ZNF281: variants seen among roughly 807,000 people sequenced by gnomAD.
ZNF281 encodes the protein GC-box-binding zinc finger protein 1.
In ZNF281, 2 loss-of-function variants were observed where a neutral mutation model predicts 58.8. The ratio of observed to expected loss-of-function variants is 0.03; its 90% CI spans 0.01 to 0.11. The LOEUF is 0.11. Among genes scored for constraint, ZNF281 ranks in the 10% least tolerant of loss-of-function variants. The pLI, the probability that ZNF281 is intolerant of heterozygous loss-of-function variation, is 1.00. For synonymous variants in ZNF281, 465 were observed against 407.7 expected (o/e 1.14, Z -1.69); for missense variants, 975 against 1,090.7 (o/e 0.89, Z 1.49).
chr1:200,409,497 G>A lies in ZNF281; in HGVS notation c.209C>T (p.Ala70Val). 1 of 1,548,694 alleles carries A rather than the reference G, an allele frequency of 6.5e-7. No homozygotes were observed. The highest frequency in any genetic ancestry group is 8.7e-7 in the Non-Finnish European group (1 of 1,146,200). Residue 70 changes from alanine to valine, a missense_variant, in exon 2 of 2, where the codon GCC becomes GTC. By Grantham distance (64) the Ala-to-Val change is moderately conservative. Around this residue, in one of 3 missense-constraint regions of ZNF281, gnomAD observed 370 missense variants for 360.9 expected, o/e 1.03. Transcript: ENST00000367353. ...TAACACGCATTGCGGGGGAGGGGCG[G>A]CCGACCCCGCCGGCCGGGTGAAGCT... is the stretch of plus-strand genomic sequence containing the variant. ...VTSFTRPAGS[A>V]APPPQCVLSS...
At position 200,409,949 on chromosome 1, in the gene ZNF281, TC is replaced by T; in HGVS notation, c.-23del. On this transcript the variant is annotated 5_prime_UTR_variant, in exon 1 of 2. Transcript: ENST00000367353. ...TGGACCCACCGGCAATACTTACGGG[TC>T]CCGCCGCCGCCGCAGCCGCCGTCGC... 2 of 575,046 alleles carry T rather than the reference TC, an allele frequency of 3.5e-6. No homozygotes were observed. Among genetic ancestry groups the T allele is most frequent in the Non-Finnish European group, 6.0e-6 (2 of 335,776 alleles). 35.6% of individuals were successfully genotyped at this position (575,046 alleles called of 1,614,324 possible).
chr1:200,409,822 G>A, intron 1 of ZNF281, 99 bp from the exon 2 acceptor site: 1 of 1,417,140 alleles, frequency 7.1e-7, no homozygotes. Context: ...CCGCGCCGCC[G>A]CCCAGACCGC....
In ZNF281 at chr1:200,407,084, C is replaced by T; in HGVS notation, c.2622G>A (p.Met874Ile). The T allele has an allele frequency of 1.2e-6, 2 of 1,614,136 alleles. No individual in the cohort carries two copies. Among genetic ancestry groups the T allele is most frequent in the Non-Finnish European group, 1.7e-6 (2 of 1,180,016 alleles). The change falls in exon 2 of 2, where the codon ATG becomes ATA. Residue 874 changes from methionine (M) to isoleucine (I), a missense_variant. By Grantham distance (10) the Met-to-Ile change is conservative. Transcript: ENST00000367353. Reference sequence around the variant, plus strand: ...TACATGGCTCACTTACATCAGACATCATATTTGTATACCCTGAGAAATCTG... The same window carrying T: ...TACATGGCTCACTTACATCAGACATTATATTTGTATACCCTGAGAAATCTG... ...SVSDFSGYTN[M>I]MSDVSEPCST... is the part of the protein sequence containing the mutation.
rs1021986049 is a variant in ZNF281 at position 200,410,023 on chromosome 1, G to A, written c.-96C>T. Reference sequence around the variant, plus strand: ...CGTCCTCTCCACAATGGAATTAAAAGCCTCCCGTGTACTGCGCAGCCGCGG... The same window carrying A: ...CGTCCTCTCCACAATGGAATTAAAAACCTCCCGTGTACTGCGCAGCCGCGG... On this transcript the variant is annotated 5_prime_UTR_variant, in exon 1 of 2. Transcript: ENST00000367353. The A allele has an allele frequency of 2.0e-6, 1 of 501,066 alleles. No individual in the cohort carries two copies. Among genetic ancestry groups the A allele is most frequent in the Non-Finnish European group, 3.6e-6 (1 of 280,474 alleles). 31.0% of individuals were successfully genotyped at this position (501,066 alleles called of 1,614,324 possible).
chr1:200,409,305 T>A lies in ZNF281; in HGVS notation c.401A>T (p.Asp134Val). ...GTGGTGGGACTGCTGCTCCTCAGGA[T>A]CCGCGGGTTTCTCCTGTTTGATGCT... ...LVSIKQEKPA[D>V]PEEQQSHHHH... is the part of the protein sequence containing the mutation. Residue 134 changes from aspartate to valine, a missense_variant, in exon 2 of 2, where the codon GAT becomes GTT. Coordinates refer to ENST00000367353, the MANE Select transcript of ZNF281 (RefSeq NM_001281293.2). 1.2e-6 allele frequency: 2 copies of A among 1,601,716 alleles called. No homozygotes were observed. Among genetic ancestry groups the A allele is most frequent in the Non-Finnish European group, 1.7e-6 (2 of 1,173,744 alleles).
At position 200,406,890 on chromosome 1, in the gene ZNF281, T is replaced by C. The variant is rs1239411047; in HGVS notation, c.*128A>G. Reference sequence around the variant, plus strand: ...TCACGCTAACAAAATAAACTAAATATGAAAAGTTGCATTGAAAGGGCATCA... The same window carrying C: ...TCACGCTAACAAAATAAACTAAATACGAAAAGTTGCATTGAAAGGGCATCA... On this transcript the variant is annotated 3_prime_UTR_variant, in exon 2 of 2. Transcript: ENST00000367353. The C allele has an allele frequency of 8.4e-6, 7 of 837,096 alleles. No homozygotes were observed. In the South Asian group the frequency reaches 1.2e-4, roughly 14 times the overall value. 51.9% of individuals were successfully genotyped at this position (837,096 alleles called of 1,614,324 possible). A position where few individuals can be genotyped will look rare whatever the true frequency, so the allele number is the denominator to read the frequency against.
In ZNF281 at chr1:200,409,514, G is replaced by C; in HGVS notation, c.192C>G (p.Thr64=). The change falls in exon 2 of 2, where the codon ACC becomes ACG. Residue 64 remains threonine (T), a synonymous_variant. Coordinates refer to ENST00000367353, the MANE Select transcript of ZNF281 (RefSeq NM_001281293.2). ...NHRLPPVTSF[T]RPAGSAAPPP... is the part of the protein sequence containing the mutation. Reference sequence around the variant, plus strand: ...GAGGGGCGGCCGACCCCGCCGGCCGGGTGAAGCTGGTGACCGGGGGAAGAC... The same window carrying C: ...GAGGGGCGGCCGACCCCGCCGGCCGCGTGAAGCTGGTGACCGGGGGAAGAC... The C allele has an allele frequency of 6.5e-7, 1 of 1,549,712 alleles. No homozygotes were observed. Among genetic ancestry groups the C allele is most frequent in the South Asian group, 1.2e-5 (1 of 84,032 alleles).
At position 200,409,376 on chromosome 1, in the gene ZNF281, G is replaced by A. The variant is rs545354724; in HGVS notation, c.330C>T (p.Ala110=). ...FKKEPAASAA[A]FPSQRTSWGF... is the part of the protein sequence containing the mutation. ...CCCAGGAGGTCCTCTGCGAGGGGAA[G>A]GCCGCGGCTGACGCCGCCGGCTCCT... The change falls in exon 2 of 2, where the codon GCC becomes GCT. Residue 110 remains alanine (A), a synonymous_variant. Coordinates refer to ENST00000367353, the MANE Select transcript of ZNF281 (RefSeq NM_001281293.2). 1 of 1,527,360 alleles carries A rather than the reference G, an allele frequency of 6.5e-7. No homozygotes were observed. Among genetic ancestry groups the A allele is most frequent in the East Asian group, 2.5e-5 (1 of 40,760 alleles). 94.6% of individuals were successfully genotyped at this position (1,527,360 alleles called of 1,614,324 possible).
At chr1:200,409,906 G>C in intron 1 of ZNF281, 40 bp downstream of exon 1, 2 of 772,628 alleles carry the variant, frequency 2.6e-6, no homozygotes, top group Non-Finnish European at 4.0e-6. Context: ...TCTTCCCCAG[G>C]CCTCGCCCTC....
In ZNF281 at chr1:200,409,470, G is replaced by A. The variant is rs896850901; in HGVS notation, c.236C>T (p.Ser79Phe). 12 of 1,546,364 alleles carry A rather than the reference G, an allele frequency of 7.8e-6. No individual in the cohort carries two copies. The highest frequency in any genetic ancestry group is 3.9e-5 in the Admixed American group (2 of 50,768). ...GGCCGGGGCTGCGGAGGTAGAGGAG[G>A]ATAACACGCATTGCGGGGGAGGGGC... Reference protein sequence around the residue: ...SAAPPPQCVLSSSTSAAPAAE... With the variant: ...SAAPPPQCVLFSSTSAAPAAE... Residue 79 changes from serine (S) to phenylalanine (F), a missense_variant, in exon 2 of 2, where the codon TCC becomes TTC. Coordinates refer to ENST00000367353, the MANE Select transcript of ZNF281 (RefSeq NM_001281293.2).
Position 200,409,746 on chromosome 1 carries a change from G to A in ZNF281, c.-18-23C>T, listed in dbSNP as rs1036848649. On this transcript the variant is annotated intron_variant, in intron 1 of 1. Coordinates refer to ENST00000367353, the MANE Select transcript of ZNF281 (RefSeq NM_001281293.2). ...TGGCTGAAGAAAGGAGGAGGAAGAG[G>A]GAAGAGGGAGGAAAGGAGGTGGAAC... 7 of 1,579,930 alleles carry A rather than the reference G, an allele frequency of 4.4e-6. No individual in the cohort carries two copies. The Admixed American group carries it at 1.2e-4, about 28-fold the overall frequency.
rs766710582 is a variant in ZNF281, at chr1:200,409,718, G to C, written c.-13C>G. The C allele has an allele frequency of 1.3e-6, 2 of 1,594,108 alleles. No individual in the cohort carries two copies. Among genetic ancestry groups the C allele is most frequent in the Non-Finnish European group, 1.7e-6 (2 of 1,172,862 alleles). On this transcript the variant is annotated 5_prime_UTR_variant, in exon 2 of 2. Coordinates refer to ENST00000367353, the MANE Select transcript of ZNF281 (RefSeq NM_001281293.2). ...TGCCGATTTTCATACCCCGGAGGAG[G>C]CCTGGCTGAAGAAAGGAGGAGGAAG...
At chr1:200,409,878 C>T in intron 1 of ZNF281, 68 bp downstream of exon 1, 1 of 983,124 alleles carries the variant, frequency 1.0e-6, no homozygotes, top group Non-Finnish European at 1.5e-6. Flanking sequence ...CCGGCACCGG[C>T]ACGCATGGTC....
chr1:200,407,448 T>C lies in ZNF281; in HGVS notation c.2258A>G (p.Asp753Gly). The change falls in exon 2 of 2, where the codon GAT becomes GGT. Residue 753 changes from aspartate to glycine, a missense_variant. Asp to Gly is a moderately conservative substitution (Grantham distance 94). This residue lies in a region of ZNF281 where 579 missense variants were observed against 608.9 expected (regional missense o/e 0.95). Transcript: ENST00000367353. ...SQPGLYLSALDATHQQLTPSQ... is the reference protein window; with the variant it reads ...SQPGLYLSALGATHQQLTPSQ... The stretch of plus-strand genomic sequence containing the variant: ...AGGTGTCAACTGCTGATGTGTAGCA[T>C]CCAAAGCAGACAAATAAAGACCTGG... The C allele has an allele frequency of 1.2e-6, 2 of 1,614,136 alleles. No homozygotes were observed. Among genetic ancestry groups the C allele is most frequent in the Non-Finnish European group, 1.7e-6 (2 of 1,180,032 alleles).
At position 200,409,390 on chromosome 1, in the gene ZNF281, C is replaced by T. The variant is rs200348763; in HGVS notation, c.316G>A (p.Ala106Thr). 1.6e-5 allele frequency: 25 copies of T among 1,520,512 alleles called. 1 individual carries two copies. In the South Asian group the frequency reaches 2.4e-4, roughly 14 times the overall value. The allele number at this position is 1,520,512 out of a possible 1,614,324, so 94.2% of individuals were successfully genotyped here. Reference sequence around the variant, plus strand: ...TGCGAGGGGAAGGCCGCGGCTGACGCCGCCGGCTCCTTCTTGAAAGTCATG... The same window carrying T: ...TGCGAGGGGAAGGCCGCGGCTGACGTCGCCGGCTCCTTCTTGAAAGTCATG... ...PDMTFKKEPA[A>T]SAAAFPSQRT... Residue 106 changes from alanine (A) to threonine (T), a missense_variant, in exon 2 of 2, where the codon GCG (alanine) becomes ACG (threonine). Ala to Thr is a moderately conservative substitution (Grantham distance 58, BLOSUM62 0). Coordinates refer to ENST00000367353, the MANE Select transcript of ZNF281 (RefSeq NM_001281293.2).
rs1277914806 is a variant in ZNF281 at position 200,409,149 on chromosome 1, T to C, written c.557A>G (p.Gln186Arg). The stretch of plus-strand genomic sequence containing the variant: ...GTCACGGTGGTGCTGGGCTGGTTGC[T>C]GCTGGACATGCTGGTGGAGAATACT... ...DLSILHQHVQ[Q>R]QPAQHHRDVL... The change falls in exon 2 of 2, where the codon CAG becomes CGG. Residue 186 changes from glutamine to arginine, a missense_variant. Physicochemically the swap from Gln to Arg is conservative, Grantham distance 43. Around this residue, in one of 3 missense-constraint regions of ZNF281, gnomAD observed 370 missense variants for 360.9 expected, o/e 1.03. Transcript: ENST00000367353. 1 of 1,614,194 alleles carries C rather than the reference T, an allele frequency of 6.2e-7. No homozygotes were observed. The highest frequency in any genetic ancestry group is 1.3e-5 in the African/African-American group (1 of 75,058).
In ZNF281 at chr1:200,409,076, C is replaced by G; in HGVS notation, c.630G>C (p.Glu210Asp). 1 of 1,614,166 alleles carries G rather than the reference C, an allele frequency of 6.2e-7. No individual in the cohort carries two copies. The highest frequency in any genetic ancestry group is 8.5e-7 in the Non-Finnish European group (1 of 1,180,032). ...SSRTDDHHGTEEPKQDTNVKK... is the reference protein window; with the variant it reads ...SSRTDDHHGTDEPKQDTNVKK... ...TGACATTAGTGTCCTGCTTTGGCTC[C>G]TCAGTGCCATGGTGGTCATCAGTCC... is the stretch of plus-strand genomic sequence containing the variant. Residue 210 changes from glutamate (E) to aspartate (D), a missense_variant, in exon 2 of 2, where the codon GAG becomes GAC. Transcript: ENST00000367353.
Position 200,407,621 on chromosome 1 carries a change from C to T in ZNF281, c.2085G>A (p.Leu695=), listed in dbSNP as rs537014021. The change falls in exon 2 of 2, where the codon TTG becomes TTA. Residue 695 remains leucine (L), a synonymous_variant. Coordinates refer to ENST00000367353, the MANE Select transcript of ZNF281 (RefSeq NM_001281293.2). ...AAGTGTGGTTGTGGAGAGGTGAAGA[C>T]AAACTGACAAATTGGAAACCGTGTC... ...TLGHGFQFVS[L]SSPLHNHTLF... 2.0e-5 allele frequency: 32 copies of T among 1,614,196 alleles called. No individual in the cohort carries two copies. In the South Asian group the frequency reaches 3.4e-4, roughly 17 times the overall value.
chr1:200,409,788 A>G (rs1654573018), intron 1 of ZNF281, 65 bp from the exon 2 acceptor site: 1 of 1,499,884 alleles, frequency 6.7e-7, no homozygotes, highest in Non-Finnish European at 8.9e-7. Flanking sequence ...CCGGGCCGGG[A>G]CCACCGCAGC....
Sources: gnomAD v4.1 joint callset for allele counts on GRCh38, gnomAD v4.1.1 for gene constraint, gnomAD v4.1.1 regional missense constraint, MANE v1.5 for transcripts, NCBI Gene and HGNC (gene_info 2026-07-23, HGNC 2026-07-21) for gene names.